Variants in GRID2 observed in about 807,000 individuals in gnomAD.
The protein encoded by GRID2 is glutamate ionotropic receptor delta type subunit 2, also known as glutamate receptor ionotropic, delta-2.
In GRID2, 33 loss-of-function variants were observed where a neutral mutation model predicts 114.8. The observed-to-expected ratio is 0.29, with a 90% CI of 0.22 to 0.38. The LOEUF (loss-of-function observed/expected upper bound fraction) is 0.38. Among genes scored for constraint, GRID2 ranks in the 10% least tolerant of loss-of-function variants. The pLI is 1.00. For synonymous variants in GRID2, 505 were observed against 449.9 expected, an observed-to-expected ratio of 1.12 and a Z score of -1.55; for missense variants, 1,184 against 1,257.7, an observed-to-expected ratio of 0.94 and a Z score of 0.89.
chr4:93,111,853 A>T (rs1040800622), intron 4 of GRID2: 2 of 148,350 alleles, frequency 1.3e-5, no homozygotes, highest in Non-Finnish European at 3.0e-5. Context: ...GTTCTTTGAC[A>T]CTCACAATAT....
intron 8 of GRID2, among the ~76,000 whole-genome samples, chr4:93,295,816 T>C (rs887171179): frequency 6.6e-6 from 1 of 152,216 alleles, no homozygotes; most frequent in East Asian, 1.9e-4. Context: ...ACTGGGACTA[T>C]ATCCTAGTTG....
chr4:92,892,701 T>C (rs1746873536), intron 2 of GRID2, among the ~76,000 whole-genome samples: 1 of 152,168 alleles, frequency 6.6e-6, no homozygotes, highest in Non-Finnish European at 1.5e-5. Flanking sequence ...AACATAATTT[T>C]AAAAATAACT....
intron 14 of GRID2, among the ~76,000 whole-genome samples, chr4:93,688,276 C>T (rs1370429428): frequency 6.6e-6 from 1 of 151,642 alleles, no homozygotes; most frequent in Non-Finnish European, 1.5e-5. Context: ...AAAGATGAGG[C>T]ACTCATCTTC....
intron 14 of GRID2, among the ~76,000 whole-genome samples, chr4:93,679,401 T>C (rs894320849): frequency 1.3e-5 from 2 of 150,708 alleles, no homozygotes; most frequent in African/African-American, 4.9e-5. Context: ...TACCCAGGAA[T>C]TGAACTCAGC....
chr4:92,914,142 A>G lies in GRID2; in HGVS notation c.245-170853A>G, dbSNP rs148794016. On this transcript the variant is annotated intron_variant, in intron 2 of 15. Transcript: ENST00000282020. ...CATCCAAATATGTGTTGTATTTTCT[A>G]TCCACTTTGCATTAAACAATTGTAC... 7.7e-3 allele frequency among the ~76,000 whole-genome samples: 1,172 copies of G among 152,224 alleles called. 18 individuals carry two copies. Among genetic ancestry groups the G allele is most frequent in the African/African-American group, 0.027 (1,110 of 41,564 alleles).
At chr4:93,797,861 A>G (rs945039091) in intron 1 of GRID2, among the ~76,000 whole-genome samples, 7 of 148,404 alleles carry the variant, frequency 4.7e-5, no homozygotes, top group Non-Finnish European at 7.4e-5. Flanking sequence ...AAAAAAAAAA[A>G]GAGGAGCAAG....
At chr4:92,748,631 T>TTTTTTATTA (rs1560570179) in intron 2 of GRID2, among the ~76,000 whole-genome samples, 1 of 125,284 alleles carries the variant, frequency 8.0e-6, no homozygotes, top group African/African-American at 3.0e-5. Context: ...TTAATTAAAT[T>TTTTTTATTA]GTATTATTAT....
chr4:93,092,279 G>A (rs932588646), intron 3 of GRID2, among the ~76,000 whole-genome samples: 15 of 152,132 alleles, frequency 9.9e-5, no homozygotes, highest in East Asian at 1.9e-4. Flanking sequence ...AAAACATGAC[G>A]CAGATTAATT....
At chr4:93,659,075 G>T (rs547490473) in intron 14 of GRID2, among the ~76,000 whole-genome samples, 2 of 152,022 alleles carry the variant, frequency 1.3e-5, no homozygotes, top group Admixed American at 1.3e-4. Flanking sequence ...ACAGTCTAGC[G>T]TAGCAATTTA....
At chr4:92,874,193 G>T (rs72663600) in intron 2 of GRID2, among the ~76,000 whole-genome samples, 40,013 of 151,890 alleles carry the variant, frequency 0.26, 5,707 homozygotes, top group Admixed American at 0.42. Context: ...CAACATTTGG[G>T]CTCTTTTGTA....
intron 2 of GRID2, among the ~76,000 whole-genome samples, chr4:92,691,609 T>C (rs1371360780): frequency 6.6e-6 from 1 of 152,240 alleles, no homozygotes; most frequent in Non-Finnish European, 1.5e-5. Context: ...TACACTGACA[T>C]ATTAAAGTAA....
intron 2 of GRID2, among the ~76,000 whole-genome samples, chr4:92,874,573 A>G (rs1745496724): frequency 6.6e-6 from 1 of 152,206 alleles, no homozygotes; most frequent in Non-Finnish European, 1.5e-5. Context: ...CCTACTTTCC[A>G]TTACTTTTGA....
intron 12 of GRID2, among the ~76,000 whole-genome samples, chr4:93,500,180 A>C (rs1368616139): frequency 6.6e-6 from 1 of 152,028 alleles, no homozygotes; most frequent in Non-Finnish European, 1.5e-5. Flanking sequence ...ATTCTTTGCC[A>C]CTTAATAGCT....
intron 2 of GRID2, among the ~76,000 whole-genome samples, chr4:92,728,562 G>C (rs931925927): frequency 6.6e-6 from 1 of 151,932 alleles, no homozygotes; most frequent in Admixed American, 6.6e-5. Context: ...CCAAGTCAAA[G>C]AGCACATGAA....
At chr4:92,317,539 T>G (rs1409648686) in intron 1 of GRID2, among the ~76,000 whole-genome samples, 1 of 152,204 alleles carries the variant, frequency 6.6e-6, no homozygotes, top group Admixed American at 6.5e-5. Context: ...GATTTTTTCT[T>G]TTTATTTTTC....
intron 10 of GRID2, among the ~76,000 whole-genome samples, chr4:93,430,367 G>T (rs1442068550): frequency 2.6e-5 from 4 of 152,088 alleles, no homozygotes; most frequent in Non-Finnish European, 5.9e-5. Flanking sequence ...TTTTAGTAGA[G>T]ACAGAGTTTC....
intron 14 of GRID2, among the ~76,000 whole-genome samples, chr4:93,734,299 A>C (rs1374317488): frequency 6.6e-6 from 1 of 151,970 alleles, no homozygotes; most frequent in Non-Finnish European, 1.5e-5. Context: ...TTTCCTTAGA[A>C]TAAGTAGTCA....
At chr4:93,023,213 C>T (rs943163263) in intron 2 of GRID2, among the ~76,000 whole-genome samples, 4 of 150,568 alleles carry the variant, frequency 2.7e-5, no homozygotes, top group Non-Finnish European at 4.4e-5. Context: ...GCTGATTTTA[C>T]CATTTTTAAT....
chr4:92,928,932 A>G (rs1400570699), intron 2 of GRID2, among the ~76,000 whole-genome samples: 3 of 151,518 alleles, frequency 2.0e-5, no homozygotes, highest in Non-Finnish European at 1.5e-5. Flanking sequence ...AGTAAAAGCA[A>G]TGAGCTAAAG....
Sources: allele counts gnomAD v4.1 joint callset (sites outside exome capture counted in the v4.1 genomes callset), GRCh38; gene constraint gnomAD v4.1.1; transcripts MANE v1.5; gene names NCBI Gene and HGNC (gene_info 2026-07-23, HGNC 2026-07-21).